Variants in ENTHD1 observed in about 807,000 individuals in gnomAD.
ENTHD1 encodes the protein ENTH domain-containing protein 1.
In ENTHD1, 23 loss-of-function variants were observed where a neutral mutation model predicts 39.1. The observed-to-expected ratio is 0.59, with a 90% CI of 0.42 to 0.83. The LOEUF (loss-of-function observed/expected upper bound fraction) is 0.83, where lower values mean the gene tolerates loss of function less well. ENTHD1 is among the 40% of genes least tolerant of loss of function. The probability of loss-of-function intolerance (pLI) is 0.00; values close to 1 mark genes in which losing one functional copy is unlikely to be tolerated. For missense variants in ENTHD1, 624 were observed against 705.4 expected (o/e 0.88, Z 1.31); for synonymous variants, 230 against 258.2 (o/e 0.89, Z 1.05).
intron 5 of ENTHD1, among the ~76,000 whole-genome samples, chr22:39,796,627 C>T (rs2065552332): frequency 6.6e-6 from 1 of 152,160 alleles, no homozygotes; most frequent in African/African-American, 2.4e-5. Context: ...TTCCTAATAT[C>T]TTCATTCATT....
At chr22:39,775,269 C>T (rs75884459) in intron 5 of ENTHD1, among the ~76,000 whole-genome samples, 2,790 of 152,188 alleles carry the variant, frequency 0.018, 38 homozygotes, top group Non-Finnish European at 0.028. Context: ...TACTGCAAAC[C>T]CCTCAGGTCA....
intron 3 of ENTHD1, among the ~76,000 whole-genome samples, chr22:39,844,080 C>T (rs1266327276): frequency 6.6e-6 from 1 of 151,890 alleles, no homozygotes; most frequent in Admixed American, 6.6e-5. Context: ...TAAAGATGTA[C>T]AATTACTGTA....
At chr22:39,858,221 G>T in intron 3 of ENTHD1, among the ~76,000 whole-genome samples, 1 of 152,206 alleles carries the variant, frequency 6.6e-6, no homozygotes, top group East Asian at 1.9e-4. Context: ...CTTCACAGGA[G>T]TAGATTTCAA....
rs557461288 is a variant in ENTHD1, at chr22:39,764,332, C to T, written c.1219+891G>A. On this transcript the variant is annotated intron_variant, in intron 6 of 6. Coordinates refer to ENST00000325157, the MANE Select transcript of ENTHD1 (RefSeq NM_152512.4). The stretch of plus-strand genomic sequence containing the variant: ...CCACACACACAAAAATAAAATTAGC[C>T]AGGAGTGGTGGCATGCACCTGTAGT... Among the ~76,000 whole-genome samples the T allele has an allele frequency of 1.1e-4, 16 of 152,020 alleles. No homozygotes were observed. The East Asian group carries it at 2.1e-3, about 20-fold the overall frequency.
At chr22:39,839,724 C>G (rs1343850667) in intron 3 of ENTHD1, among the ~76,000 whole-genome samples, 1 of 152,180 alleles carries the variant, frequency 6.6e-6, no homozygotes, top group Non-Finnish European at 1.5e-5. Context: ...TTATCACTTG[C>G]TCGGCATTCA....
intron 3 of ENTHD1, among the ~76,000 whole-genome samples, chr22:39,839,861 T>C (rs2065931382): frequency 6.6e-6 from 1 of 152,198 alleles, no homozygotes; most frequent in Non-Finnish European, 1.5e-5. Context: ...GCAAGAAATG[T>C]GAAAGAAAAA....
intron 3 of ENTHD1, among the ~76,000 whole-genome samples, chr22:39,857,856 A>G (rs938364157): frequency 6.6e-6 from 1 of 152,210 alleles, no homozygotes; most frequent in Non-Finnish European, 1.5e-5. Context: ...TTTATTGCTA[A>G]TTTAAAAAGG....
chr22:39,889,203 G>A (rs1332353793), intron 1 of ENTHD1, among the ~76,000 whole-genome samples: 1 of 152,052 alleles, frequency 6.6e-6, no homozygotes, highest in Non-Finnish European at 1.5e-5. Context: ...AGTGTCAACA[G>A]TAAGACTCAA....
At chr22:39,752,640 ACT>A (rs1464891800) in intron 6 of ENTHD1, among the ~76,000 whole-genome samples, 7 of 152,210 alleles carry the variant, frequency 4.6e-5, no homozygotes, top group Non-Finnish European at 8.8e-5. Context: ...ATTTAGGAAA[ACT>A]CTTAATCACT....
chr22:39,797,731 T>G (rs2065562460), intron 5 of ENTHD1, among the ~76,000 whole-genome samples: 1 of 152,172 alleles, frequency 6.6e-6, no homozygotes, highest in Admixed American at 6.5e-5. Context: ...TGGAAAGTTT[T>G]TTTCTTTTAT....
Position 39,779,363 on chromosome 22 carries a change from C to A in ENTHD1, c.833-13754G>T, listed in dbSNP as rs570104829. Among the ~76,000 whole-genome samples, 9 of 151,734 alleles carry A rather than the reference C, an allele frequency of 5.9e-5. No homozygotes were observed. In the South Asian group the frequency reaches 1.5e-3, roughly 25 times the overall value. ...CTCAAAAATAAACCAAAACCAAAAC[C>A]AAAAACAAAAAACAAAACCAAGCAG... is the stretch of plus-strand genomic sequence containing the variant. On this transcript the variant is annotated intron_variant, in intron 5 of 6. Transcript: ENST00000325157.
chr22:39,868,943 T>A (rs2066212866), intron 2 of ENTHD1, among the ~76,000 whole-genome samples: 1 of 152,156 alleles, frequency 6.6e-6, no homozygotes, highest in Admixed American at 6.5e-5. Flanking sequence ...CCAGTCAGAA[T>A]GGCTATTATC....
At chr22:39,882,678 G>A (rs1196874746) in intron 2 of ENTHD1, among the ~76,000 whole-genome samples, 1 of 152,068 alleles carries the variant, frequency 6.6e-6, no homozygotes, top group Non-Finnish European at 1.5e-5. Flanking sequence ...TATGCCAAGA[G>A]CTACTCTTCT....
intron 6 of ENTHD1, among the ~76,000 whole-genome samples, chr22:39,754,219 A>G (rs867136424): frequency 7.2e-5 from 11 of 152,238 alleles, no homozygotes; most frequent in African/African-American, 2.4e-4. Flanking sequence ...TTTATTTACC[A>G]AACAGGCAGT....
intron 5 of ENTHD1, among the ~76,000 whole-genome samples, chr22:39,812,852 G>A (rs1487144826): frequency 2.0e-5 from 3 of 152,096 alleles, no homozygotes; most frequent in East Asian, 1.9e-4. Context: ...GCACAATCTC[G>A]GCTCACTGCA....
intron 2 of ENTHD1, among the ~76,000 whole-genome samples, chr22:39,864,272 AT>A (rs2066167337): frequency 6.6e-6 from 1 of 152,004 alleles, no homozygotes; most frequent in Admixed American, 6.6e-5. Flanking sequence ...CTGGTGCTTT[AT>A]TCTGCAATCC....
At chr22:39,797,360 C>T (rs573562017) in intron 5 of ENTHD1, among the ~76,000 whole-genome samples, 1 of 152,292 alleles carries the variant, frequency 6.6e-6, no homozygotes, top group East Asian at 1.9e-4. Flanking sequence ...CTTTTACCTT[C>T]AAGGTTATTA....
chr22:39,796,333 T>C (rs547684764), intron 5 of ENTHD1, among the ~76,000 whole-genome samples: 4 of 152,110 alleles, frequency 2.6e-5, no homozygotes, highest in African/African-American at 9.6e-5. Context: ...AGTGCAATGG[T>C]GTGAACGTGG....
intron 5 of ENTHD1, among the ~76,000 whole-genome samples, chr22:39,793,710 G>A (rs545403701): frequency 6.6e-6 from 1 of 152,234 alleles, no homozygotes; most frequent in East Asian, 1.9e-4. Context: ...ATTTATTGAA[G>A]AAGGTGTTCA....
Sources: gnomAD v4.1 joint callset for allele counts (sites outside exome capture counted in the v4.1 genomes callset) on GRCh38, gnomAD v4.1.1 for gene constraint, MANE v1.5 for transcripts, NCBI Gene and HGNC (gene_info 2026-07-23, HGNC 2026-07-21) for gene names.